PATJ: variants seen among roughly 807,000 people sequenced by gnomAD.
PATJ encodes PATJ crumbs cell polarity complex component.
A neutral mutation model predicts 224.9 loss-of-function variants in PATJ; 190 were observed. The ratio of observed to expected loss-of-function variants is 0.84; its 90% CI spans 0.75 to 0.95. PATJ has a LOEUF of 0.95. Ranked by LOEUF, PATJ falls within the 40% of genes least tolerant of loss-of-function variation. The pLI, the probability that PATJ is intolerant of heterozygous loss-of-function variation, is 0.00. For missense variants in PATJ, 2,121 were observed against 2,270.3 expected (o/e 0.93, Z 1.34); for synonymous variants, 769 against 820.3 (o/e 0.94, Z 1.07).
At chr1:61,752,842 G>A (rs549409956) in intron 1 of PATJ, among the ~76,000 whole-genome samples, 2 of 152,138 alleles carry the variant, frequency 1.3e-5, no homozygotes, top group East Asian at 3.9e-4. Flanking sequence ...CAAATTCCAG[G>A]GATATAGTGG....
chr1:61,765,712 G>A (rs556598629), intron 3 of PATJ, among the ~76,000 whole-genome samples: 8 of 138,392 alleles, frequency 5.8e-5, no homozygotes, highest in African/African-American at 2.0e-4. Flanking sequence ...AAGTGGCTCC[G>A]TGACTCACTG....
intron 26 of PATJ, among the ~76,000 whole-genome samples, chr1:61,922,943 G>T (rs116470071): frequency 0.016 from 2,363 of 152,304 alleles, 24 homozygotes; most frequent in Non-Finnish European, 0.025. Flanking sequence ...CCACATCTGG[G>T]AACAAGATAA....
intron 42 of PATJ, among the ~76,000 whole-genome samples, chr1:62,149,733 T>C (rs1287383529): frequency 6.6e-6 from 1 of 152,084 alleles, no homozygotes; most frequent in Non-Finnish European, 1.5e-5. Context: ...TCCATGCCTC[T>C]GGCAGGCTGG....
intron 31 of PATJ, among the ~76,000 whole-genome samples, chr1:62,061,808 T>C (rs1344182604): frequency 6.6e-6 from 1 of 151,988 alleles, no homozygotes; most frequent in African/African-American, 2.4e-5. Context: ...TGCAGGCACC[T>C]GCCACCATGC....
intron 37 of PATJ, 101 bp downstream of exon 37, chr1:62,117,319 C>G (rs1664548334): frequency 1.3e-6 from 2 of 1,527,586 alleles, no homozygotes; most frequent in Non-Finnish European, 1.8e-6. Flanking sequence ...ATCTAATGTA[C>G]AGCATATTCA....
At chr1:62,019,107 T>C (rs571979233) in intron 29 of PATJ, among the ~76,000 whole-genome samples, 1 of 151,834 alleles carries the variant, frequency 6.6e-6, no homozygotes, top group South Asian at 2.1e-4. Flanking sequence ...TAGCCAGGTG[T>C]GATGGCGCAC....
Position 61,771,461 on chromosome 1 carries a change from A to G in PATJ, c.555A>G (p.Ile185Met). 1 of 1,602,220 alleles carries G rather than the reference A, an allele frequency of 6.2e-7. No homozygotes were observed. Among genetic ancestry groups the G allele is most frequent in the South Asian group, 1.1e-5 (1 of 87,968 alleles). Reference protein sequence around the residue: ...RDQRLKENDQILAINHTPLDQ... With the variant: ...RDQRLKENDQMLAINHTPLDQ... ...AAAGATTAAAGGAAAATGATCAAAT[A>G]TTGGCCATTAATCACACGCCATTGG... is the stretch of plus-strand genomic sequence containing the variant. Residue 185 changes from isoleucine (I) to methionine (M), a missense_variant, in exon 6 of 44, where the codon ATA (isoleucine) becomes ATG (methionine). Physicochemically the swap from Ile to Met is conservative, Grantham distance 10 (BLOSUM62 1). Transcript: ENST00000642238.
At position 61,927,583 on chromosome 1, in the gene PATJ, A is replaced by G. The variant is rs763292805; in HGVS notation, c.3571-147A>G. The stretch of plus-strand genomic sequence containing the variant: ...TTATAACATAAGCCTAAAATAATAC[A>G]TTGTGTTTGTTTTACAGTCCTCATG... On this transcript the variant is annotated intron_variant, in intron 26 of 43. Coordinates refer to ENST00000642238, the MANE Select transcript of PATJ (RefSeq NM_001350145.3). The G allele has an allele frequency of 1.2e-4, 70 of 563,704 alleles. No homozygotes were observed. In the Admixed American group the frequency reaches 1.5e-3, roughly 12 times the overall value. The allele number at this position is 563,704 out of a possible 1,614,324, so 34.9% of individuals were successfully genotyped here. A position where few individuals can be genotyped will look rare whatever the true frequency, so the allele number is the denominator to read the frequency against.
At chr1:62,101,152 C>T (rs972795999) in intron 33 of PATJ, among the ~76,000 whole-genome samples, 1 of 151,882 alleles carries the variant, frequency 6.6e-6, no homozygotes, top group African/African-American at 2.4e-5. Context: ...AGATACTTAT[C>T]AGTGAATACT....
chr1:62,125,243 AAAAAAAAAAACAAAAAAAAAC>A lies in PATJ; in HGVS notation c.5043+2197_5043+2217del, dbSNP rs1437817219. On this transcript the variant is annotated intron_variant, in intron 39 of 43. Transcript: ENST00000642238. The stretch of plus-strand genomic sequence containing the variant: ...CAGAGTAAAACCCTGTCTCAAAAAA[AAAAAAAAAAACAAAAAAAAAC>A]AAAAAAAAAACGCCATTAGCTCTAT... Among the ~76,000 whole-genome samples the A allele has an allele frequency of 1.3e-4, 15 of 114,232 alleles. No homozygotes were observed. The East Asian group carries it at 2.6e-3, about 20-fold the overall frequency. The allele number at this position is 114,232 out of a possible 152,430, so 74.9% of individuals were successfully genotyped here. A position where few individuals can be genotyped will look rare whatever the true frequency, so the allele number is the denominator to read the frequency against.
chr1:61,902,082 G>T (rs1671243081), intron 24 of PATJ, among the ~76,000 whole-genome samples: 1 of 152,058 alleles, frequency 6.6e-6, no homozygotes, highest in South Asian at 2.1e-4. Flanking sequence ...TCAGCCGGGC[G>T]TAGTGGCACG....
intron 27 of PATJ, among the ~76,000 whole-genome samples, chr1:61,983,414 A>C (rs6668590): frequency 0.024 from 3,728 of 152,164 alleles, 196 homozygotes; most frequent in African/African-American, 0.085. Flanking sequence ...AGTGGGTTTT[A>C]AAAGATAATG....
rs1281407014 is a variant in PATJ at position 61,808,537 on chromosome 1, A to AT, written c.1683+13dup. ...GTTACAGAAATATTCAAAGGTAAGC[A>AT]TTTTTTATAACAAAGTTAACAGTTT... On this transcript the variant is annotated splice_region_variant and intron_variant, in intron 14 of 43. Transcript: ENST00000642238. 3.8e-6 allele frequency: 6 copies of AT among 1,575,834 alleles called. No individual in the cohort carries two copies. The highest frequency in any genetic ancestry group is 2.2e-5 in the East Asian group (1 of 44,670).
chr1:61,910,536 CTTT>C (rs71050181), intron 25 of PATJ, among the ~76,000 whole-genome samples: 2 of 42,242 alleles, frequency 4.7e-5, no homozygotes, highest in African/African-American at 8.6e-5. Context: ...CAAAGTGACT[CTTT>C]TTTTTTTTTT....
intron 14 of PATJ, among the ~76,000 whole-genome samples, chr1:61,814,844 C>T (rs747710218): frequency 1.1e-4 from 17 of 152,002 alleles, no homozygotes; most frequent in Non-Finnish European, 2.5e-4. Flanking sequence ...ATGACTTGAC[C>T]GAAATTATAC....
At position 62,162,915 on chromosome 1, in the gene PATJ, C is replaced by T. The variant is rs767785434; in HGVS notation, c.*1861C>T. 4.5e-5 allele frequency: 17 copies of T among 375,884 alleles called. No individual in the cohort carries two copies. The highest frequency in any genetic ancestry group is 8.3e-5 in the Non-Finnish European group (16 of 192,522). 23.3% of individuals were successfully genotyped at this position (375,884 alleles called of 1,614,324 possible). ...TGAGCCAAGTTCGTGCCACTCCACT[C>T]CAGCCTGGGTGACAGAGCAAGACTC... On this transcript the variant is annotated 3_prime_UTR_variant, in exon 44 of 44. Coordinates refer to ENST00000642238, the MANE Select transcript of PATJ (RefSeq NM_001350145.3).
chr1:62,115,515 C>T (rs756682714), intron 35 of PATJ, among the ~76,000 whole-genome samples: 2 of 150,912 alleles, frequency 1.3e-5, no homozygotes, highest in African/African-American at 2.4e-5. Context: ...GCTTAACAGT[C>T]GTTTGTTCCA....
At chr1:62,000,693 A>C (rs1376192476) in intron 28 of PATJ, among the ~76,000 whole-genome samples, 1 of 151,042 alleles carries the variant, frequency 6.6e-6, no homozygotes, top group Admixed American at 6.6e-5. Context: ...CATGATTTAT[A>C]GTCCTTTGGG....
intron 1 of PATJ, among the ~76,000 whole-genome samples, chr1:61,751,253 G>A (rs1200605395): frequency 1.3e-5 from 2 of 151,888 alleles, no homozygotes; most frequent in East Asian, 3.9e-4. Flanking sequence ...CCGTCTCCTT[G>A]GCCTCCCAAA....
Sources: allele counts gnomAD v4.1 joint callset (sites outside exome capture counted in the v4.1 genomes callset), GRCh38; gene constraint gnomAD v4.1.1; transcripts MANE v1.5; gene names NCBI Gene and HGNC (gene_info 2026-07-23, HGNC 2026-07-21).